The following RAB38 variants were observed in gnomAD, a reference collection of about 807,000 sequenced individuals.
RAB38 encodes RAB38, member RAS oncogene family.
A neutral mutation model predicts 18.4 loss-of-function variants in RAB38; 15 were observed. That is an observed-to-expected ratio of 0.82 (90% CI 0.55 to 1.26). The LOEUF (loss-of-function observed/expected upper bound fraction) is 1.26, where lower values mean the gene tolerates loss of function less well. Among genes scored for constraint, RAB38 ranks in the 50% most tolerant of loss-of-function variants. The probability of loss-of-function intolerance (pLI) is 0.00; values close to 1 mark genes in which losing one functional copy is unlikely to be tolerated. For missense variants in RAB38, 294 were observed against 267.4 expected, an observed-to-expected ratio of 1.10 and a Z score of -0.69; for synonymous variants, 101 against 104.4, an observed-to-expected ratio of 0.97 and a Z score of 0.20.
the RAB38 span, among the ~76,000 whole-genome samples, chr11:88,029,465 G>A: frequency 1.3e-5 from 2 of 152,256 alleles, no homozygotes; most frequent in Non-Finnish European, 2.9e-5. Context: ...ACCCATCAGT[G>A]TGCGGTATTC....
At chr11:87,958,650 T>C in the RAB38 span, among the ~76,000 whole-genome samples, 1 of 152,158 alleles carries the variant, frequency 6.6e-6, no homozygotes, top group African/African-American at 2.4e-5. Flanking sequence ...TTTGGAGATT[T>C]CAGGAATCAT....
At chr11:87,827,554 T>C in the RAB38 span, among the ~76,000 whole-genome samples, 1 of 152,152 alleles carries the variant, frequency 6.6e-6, no homozygotes. Context: ...ACTGAAAATA[T>C]ATTAATTTTC....
chr11:87,975,717 T>C, the RAB38 span, among the ~76,000 whole-genome samples: 2 of 151,764 alleles, frequency 1.3e-5, no homozygotes, highest in Non-Finnish European at 2.9e-5. Context: ...CTAAATATGC[T>C]GTAATAAATT....
At chr11:87,900,608 T>C in the RAB38 span, among the ~76,000 whole-genome samples, 1 of 150,700 alleles carries the variant, frequency 6.6e-6, no homozygotes, top group Non-Finnish European at 1.5e-5. Flanking sequence ...CCAATATTAA[T>C]CTAATGTTCA....
At chr11:87,946,456 T>G in the RAB38 span, among the ~76,000 whole-genome samples, 1 of 152,078 alleles carries the variant, frequency 6.6e-6, no homozygotes, top group Non-Finnish European at 1.5e-5. Flanking sequence ...TTGTTACATA[T>G]ATATACATGT....
chr11:87,870,440 TAAG>T, the RAB38 span, among the ~76,000 whole-genome samples: 1 of 151,598 alleles, frequency 6.6e-6, no homozygotes, highest in East Asian at 2.0e-4. Context: ...ATTCAAATTT[TAAG>T]AAATTCTTTT....
chr11:87,836,945 T>C, the RAB38 span, among the ~76,000 whole-genome samples: 1 of 152,238 alleles, frequency 6.6e-6, no homozygotes, highest in African/African-American at 2.4e-5. Flanking sequence ...AGATGTCAGA[T>C]CTCAGTGCCT....
At chr11:88,076,971 A>AAG in the RAB38 span, among the ~76,000 whole-genome samples, 1 of 101,902 alleles carries the variant, frequency 9.8e-6, no homozygotes. Context: ...AAAAAAAAAA[A>AAG]AAAAGAAAGA....
the RAB38 span, among the ~76,000 whole-genome samples, chr11:87,948,828 T>C: frequency 1.3e-5 from 2 of 152,136 alleles, no homozygotes; most frequent in Non-Finnish European, 2.9e-5. Flanking sequence ...TCAATGTTCA[T>C]CAAGGATATT....
the RAB38 span, among the ~76,000 whole-genome samples, chr11:87,931,332 C>A: frequency 2.0e-5 from 3 of 151,986 alleles, no homozygotes; most frequent in Non-Finnish European, 4.4e-5. Flanking sequence ...TTGTTTGAGG[C>A]CCTTTCATCA....
chr11:88,164,617 TTTA>T (rs1158184533), intron 1 of RAB38, among the ~76,000 whole-genome samples: 2 of 85,770 alleles, frequency 2.3e-5, no homozygotes, highest in Admixed American at 2.5e-4. Flanking sequence ...ATAATTTTCT[TTTA>T]ATTTATGCGT....
At chr11:88,034,451 C>G in the RAB38 span, among the ~76,000 whole-genome samples, 1 of 152,224 alleles carries the variant, frequency 6.6e-6, no homozygotes. Context: ...GTGGCTGTAA[C>G]AGTTTACATT....
the RAB38 span, among the ~76,000 whole-genome samples, chr11:87,905,614 T>C: frequency 6.6e-6 from 1 of 151,922 alleles, no homozygotes; most frequent in Non-Finnish European, 1.5e-5. Flanking sequence ...TTTAATTATC[T>C]GAAGTTTCAA....
At chr11:88,151,194 G>A (rs1424270499) in intron 1 of RAB38, among the ~76,000 whole-genome samples, 1 of 152,138 alleles carries the variant, frequency 6.6e-6, no homozygotes, top group Non-Finnish European at 1.5e-5. Context: ...AATATGTACT[G>A]CAGAGTTTTG....
the RAB38 span, among the ~76,000 whole-genome samples, chr11:88,066,924 G>A: frequency 2.0e-5 from 3 of 152,154 alleles, no homozygotes; most frequent in African/African-American, 7.2e-5. Context: ...CCCTCTTCCA[G>A]CTAATCCCTG....
At chr11:87,963,706 G>A in the RAB38 span, among the ~76,000 whole-genome samples, 1 of 151,162 alleles carries the variant, frequency 6.6e-6, no homozygotes, top group African/African-American at 2.4e-5. Context: ...GAGTGCAGTG[G>A]TATGGTCTCG....
the RAB38 span, among the ~76,000 whole-genome samples, chr11:87,867,472 C>A: frequency 6.6e-6 from 1 of 151,732 alleles, no homozygotes; most frequent in Non-Finnish European, 1.5e-5. Flanking sequence ...ACCAAATCTA[C>A]TTTAGGATAG....
chr11:88,049,038 C>G, the RAB38 span, among the ~76,000 whole-genome samples: 1 of 152,146 alleles, frequency 6.6e-6, no homozygotes, highest in East Asian at 1.9e-4. Context: ...ACAATATCAC[C>G]CCTTACCACA....
At chr11:88,112,867 A>G (rs912945644), downstream of RAB38, among the ~76,000 whole-genome samples, 2 of 152,112 alleles carry the variant, frequency 1.3e-5, no homozygotes, top group South Asian at 2.1e-4. Context: ...AATGACATTA[A>G]AAAATAATAG....
Sources: allele counts gnomAD v4.1 joint callset (sites outside exome capture counted in the v4.1 genomes callset), GRCh38; gene constraint gnomAD v4.1.1; transcripts MANE v1.5; gene names NCBI Gene and HGNC (gene_info 2026-07-23, HGNC 2026-07-21).